Variants in DNAJC15 observed in about 807,000 individuals in gnomAD.
The protein encoded by DNAJC15 is DnaJ heat shock protein family (Hsp40) member C15.
A neutral mutation model predicts 22.4 loss-of-function variants in DNAJC15; 27 were observed. The ratio of observed to expected loss-of-function variants is 1.20; its 90% CI spans 0.89 to 1.66. DNAJC15 has a LOEUF of 1.66. DNAJC15 is among the 40% of genes most tolerant of loss of function. The pLI is 0.00. For missense variants in DNAJC15, 208 were observed against 187.1 expected (o/e 1.11, Z -0.65); for synonymous variants, 79 against 63.2 (o/e 1.25, Z -1.19).
chr13:43,107,316 A>G lies in DNAJC15; in HGVS notation c.*68A>G. On this transcript the variant is annotated 3_prime_UTR_variant, in exon 6 of 6. Coordinates refer to ENST00000379221, the MANE Select transcript of DNAJC15 (RefSeq NM_013238.3). ...GAAAAAAAAAAAAGCCCTGCAAAAT[A>G]TTCTAAAACATGGTCTTCTTAATTT... is the stretch of plus-strand genomic sequence containing the variant. 1 of 1,324,378 alleles carries G rather than the reference A, an allele frequency of 7.6e-7. No individual in the cohort carries two copies. Among genetic ancestry groups the G allele is most frequent in the South Asian group, 1.5e-5 (1 of 64,702 alleles). 82.0% of individuals were successfully genotyped at this position (1,324,378 alleles called of 1,614,324 possible).
At chr13:43,030,853 G>A (rs1462238577) in intron 1 of DNAJC15, among the ~76,000 whole-genome samples, 1 of 152,172 alleles carries the variant, frequency 6.6e-6, no homozygotes, top group Non-Finnish European at 1.5e-5. Flanking sequence ...GTAAGGGAAT[G>A]AAAGACTAAG....
chr13:43,061,540 A>G (rs1387558072), intron 1 of DNAJC15, among the ~76,000 whole-genome samples: 1 of 152,222 alleles, frequency 6.6e-6, no homozygotes, highest in Non-Finnish European at 1.5e-5. Flanking sequence ...TTGATGATGG[A>G]GGACCCTTGC....
chr13:43,029,629 T>C (rs2040395731), intron 1 of DNAJC15, among the ~76,000 whole-genome samples: 1 of 152,108 alleles, frequency 6.6e-6, no homozygotes, highest in Non-Finnish European at 1.5e-5. Flanking sequence ...ACATTTATAG[T>C]AATTTTTCTG....
intron 4 of DNAJC15, among the ~76,000 whole-genome samples, chr13:43,081,008 G>A (rs1157413240): frequency 2.0e-5 from 3 of 152,190 alleles, no homozygotes; most frequent in Admixed American, 6.5e-5. Flanking sequence ...AAATGGAGCC[G>A]ATCCTTTTGA....
intron 3 of DNAJC15, among the ~76,000 whole-genome samples, chr13:43,074,733 TA>T (rs1476473107): frequency 6.6e-6 from 1 of 152,232 alleles, no homozygotes; most frequent in Non-Finnish European, 1.5e-5. Context: ...TTGTTCTATT[TA>T]AAGTTATATA....
chr13:43,030,981 AT>A (rs1420790995), intron 1 of DNAJC15, among the ~76,000 whole-genome samples: 3 of 152,256 alleles, frequency 2.0e-5, no homozygotes, highest in African/African-American at 7.2e-5. Flanking sequence ...TGAGTAGAAC[AT>A]TGAGAAAAGG....
intron 5 of DNAJC15, among the ~76,000 whole-genome samples, chr13:43,087,800 A>C (rs2040696348): frequency 6.6e-6 from 1 of 152,230 alleles, no homozygotes; most frequent in Admixed American, 6.5e-5. Context: ...AAAGAAAGTG[A>C]CACCAGAAAA....
rs145366836 is a variant in DNAJC15, at chr13:43,107,220, A to G, written c.425A>G (p.Asp142Gly). 4.4e-6 allele frequency: 7 copies of G among 1,595,424 alleles called. No individual in the cohort carries two copies. The highest frequency in any genetic ancestry group is 2.3e-5 in the South Asian group (2 of 87,748). The change falls in exon 6 of 6, where the codon GAC (aspartate) becomes GGC (glycine). Residue 142 changes from aspartate to glycine, a missense_variant. By Grantham distance (94) the Asp-to-Gly change is moderately conservative. Coordinates refer to ENST00000379221, the MANE Select transcript of DNAJC15 (RefSeq NM_013238.3). ...GCAGCCAAAATAAATGAAGCAAAAG[A>G]CTTGCTAGAAACAACCACCAAACAT... ...YVAAKINEAK[D>G]LLETTTKH
intron 1 of DNAJC15, among the ~76,000 whole-genome samples, chr13:43,028,566 G>A (rs1216553302): frequency 1.3e-5 from 2 of 152,124 alleles, no homozygotes; most frequent in African/African-American, 4.8e-5. Flanking sequence ...AGTTTAACAT[G>A]ATCTAAACCT....
intron 1 of DNAJC15, among the ~76,000 whole-genome samples, chr13:43,039,437 A>ACT (rs1278304472): frequency 2.0e-5 from 3 of 152,174 alleles, no homozygotes; most frequent in African/African-American, 7.2e-5. Flanking sequence ...ATCAAACAGA[A>ACT]ATGAAAAGTT....
intron 1 of DNAJC15, among the ~76,000 whole-genome samples, chr13:43,064,328 A>G (rs9567106): frequency 0.2 from 29,965 of 152,124 alleles, 3,214 homozygotes; most frequent in South Asian, 0.38. Flanking sequence ...TTGATTTCCT[A>G]TGACTTGGTG....
intron 1 of DNAJC15, among the ~76,000 whole-genome samples, chr13:43,048,605 A>C (rs2040488841): frequency 6.6e-6 from 1 of 152,254 alleles, no homozygotes; most frequent in Admixed American, 6.5e-5. Flanking sequence ...CAGATTATTA[A>C]AAACTAAATT....
At chr13:43,085,875 A>C in intron 5 of DNAJC15, 37 bp downstream of exon 5, 6 of 1,552,590 alleles carry the variant, frequency 3.9e-6, no homozygotes, top group African/African-American at 1.4e-5. Context: ...TATGTATATC[A>C]AAATATGCTG....
chr13:43,044,262 A>G (rs2153439958), intron 1 of DNAJC15, among the ~76,000 whole-genome samples: 1 of 152,312 alleles, frequency 6.6e-6, no homozygotes, highest in Middle Eastern at 3.4e-3. Context: ...ACCCTTGAGA[A>G]TTAACTCACT....
At chr13:43,024,956 G>A (rs2040374021) in intron 1 of DNAJC15, among the ~76,000 whole-genome samples, 1 of 149,002 alleles carries the variant, frequency 6.7e-6, no homozygotes, top group South Asian at 2.1e-4. Context: ...AGCTGCTTGG[G>A]AGGCTGGGTC....
intron 3 of DNAJC15, among the ~76,000 whole-genome samples, chr13:43,070,450 A>T (rs1047082290): frequency 1.3e-5 from 2 of 150,746 alleles, no homozygotes; most frequent in Non-Finnish European, 2.9e-5. Context: ...GGAGAGACAC[A>T]GTGTAAAAAA....
At chr13:43,087,618 T>C (rs962304475) in intron 5 of DNAJC15, among the ~76,000 whole-genome samples, 2 of 152,204 alleles carry the variant, frequency 1.3e-5, no homozygotes, top group African/African-American at 4.8e-5. Context: ...GTATTATAGG[T>C]AGTTGGAAAT....
chr13:43,102,552 T>G (rs956721397), intron 5 of DNAJC15, among the ~76,000 whole-genome samples: 5 of 152,108 alleles, frequency 3.3e-5, no homozygotes, highest in African/African-American at 1.2e-4. Context: ...GAGGCTGCAG[T>G]GAGCCAAGAT....
intron 2 of DNAJC15, among the ~76,000 whole-genome samples, chr13:43,066,412 T>G (rs2040584250): frequency 6.6e-6 from 1 of 152,068 alleles, no homozygotes. Flanking sequence ...TCTTCCAACC[T>G]CTGTCTGACT....
Sources: gnomAD v4.1 joint callset for allele counts (sites outside exome capture counted in the v4.1 genomes callset) on GRCh38, gnomAD v4.1.1 for gene constraint, MANE v1.5 for transcripts, NCBI Gene and HGNC (gene_info 2026-07-23, HGNC 2026-07-21) for gene names.